SLC22A23: variants seen among roughly 807,000 people sequenced by gnomAD.
SLC22A23 encodes ion transporter protein.
SLC22A23 carries 26 observed loss-of-function variants against 61.0 expected under a neutral mutation model. That is an observed-to-expected ratio of 0.43 (90% confidence interval 0.31 to 0.59). SLC22A23 has a LOEUF of 0.59. Among genes scored for constraint, SLC22A23 ranks in the 20% least tolerant of loss-of-function variants. SLC22A23 has a pLI of 0.11. For missense variants in SLC22A23, 796 were observed against 934.7 expected, an observed-to-expected ratio of 0.85 and a Z score of 1.94; for synonymous variants, 430 against 413.9, an observed-to-expected ratio of 1.04 and a Z score of -0.47.
chr6:3,331,223 G>C (rs748909436), intron 3 of SLC22A23, among the ~76,000 whole-genome samples: 125 of 152,208 alleles, frequency 8.2e-4, no homozygotes, highest in Non-Finnish European at 1.3e-3. Context: ...CTCTGCTGCA[G>C]GCAGAAGCTA....
At chr6:3,445,208 T>A (rs1316930280) in intron 1 of SLC22A23, among the ~76,000 whole-genome samples, 12 of 152,066 alleles carry the variant, frequency 7.9e-5, no homozygotes, top group Non-Finnish European at 4.4e-5. Flanking sequence ...CCCTTTATTT[T>A]TTTTTTTTGA....
intron 1 of SLC22A23, among the ~76,000 whole-genome samples, chr6:3,444,489 A>G (rs1429432385): frequency 6.6e-6 from 1 of 152,128 alleles, no homozygotes; most frequent in African/African-American, 2.4e-5. Context: ...TCTCTGAGCC[A>G]TATGTTCACG....
At chr6:3,417,629 C>T (rs1486125624) in intron 1 of SLC22A23, among the ~76,000 whole-genome samples, 1 of 152,212 alleles carries the variant, frequency 6.6e-6, no homozygotes, top group Middle Eastern at 3.2e-3. Context: ...ATCCCAGGCC[C>T]ACTGAATGAA....
intron 3 of SLC22A23, among the ~76,000 whole-genome samples, chr6:3,343,449 G>T (rs1764258605): frequency 6.6e-6 from 1 of 151,928 alleles, no homozygotes; most frequent in Non-Finnish European, 1.5e-5. Flanking sequence ...AACATCTCCA[G>T]CCCCTGCAAA....
At chr6:3,338,145 C>T (rs1032399215) in intron 3 of SLC22A23, among the ~76,000 whole-genome samples, 2 of 152,180 alleles carry the variant, frequency 1.3e-5, no homozygotes, top group Admixed American at 1.3e-4. Flanking sequence ...CCTAGAAGCC[C>T]GAAGCCTTTT....
chr6:3,274,957 CTT>C (rs11393848), intron 9 of SLC22A23, among the ~76,000 whole-genome samples: 1 of 143,426 alleles, frequency 7.0e-6, no homozygotes, highest in African/African-American at 2.5e-5. Flanking sequence ...TTCCAGGTGA[CTT>C]TTTTTTTTTT....
At chr6:3,415,421 A>AG (rs1769622666) in intron 2 of SLC22A23, among the ~76,000 whole-genome samples, 1 of 152,186 alleles carries the variant, frequency 6.6e-6, no homozygotes, top group Non-Finnish European at 1.5e-5. Flanking sequence ...GCTGCCCCTT[A>AG]GTGCATCCAC....
chr6:3,341,237 A>C (rs986952008), intron 3 of SLC22A23, among the ~76,000 whole-genome samples: 2 of 152,248 alleles, frequency 1.3e-5, no homozygotes, highest in African/African-American at 4.8e-5. Flanking sequence ...GATCAAGCTG[A>C]GAGGAAAAAT....
chr6:3,419,081 C>T (rs1769939282), intron 1 of SLC22A23, among the ~76,000 whole-genome samples: 1 of 152,098 alleles, frequency 6.6e-6, no homozygotes, highest in African/African-American at 2.4e-5. Context: ...GTTGGGTAAG[C>T]AATGTTTAAA....
In SLC22A23 at chr6:3,269,724, A is replaced by C. The variant is rs1043821749; in HGVS notation, c.*3331T>G. 2.6e-5 allele frequency: 4 copies of C among 152,844 alleles called. No homozygotes were observed. The allele number at this position is 152,844 out of a possible 1,614,324, so 9.5% of individuals were successfully genotyped here. A position where few individuals can be genotyped will look rare whatever the true frequency, so the allele number is the denominator to read the frequency against. On this transcript the variant is annotated 3_prime_UTR_variant, in exon 10 of 10. Transcript: ENST00000406686. ...ACTGCTTTTCCAAAACACACGGGAC[A>C]TGAAAGCGAGGTGGTGCCTTCTAGA...
rs1043132804 is a variant in SLC22A23, at chr6:3,341,343, A to G, written c.914-17341T>C. Among the ~76,000 whole-genome samples the G allele has an allele frequency of 2.0e-5, 3 of 152,238 alleles. No homozygotes were observed. In the South Asian group the frequency reaches 6.2e-4, roughly 32 times the overall value. On this transcript the variant is annotated intron_variant, in intron 3 of 9. Coordinates refer to ENST00000406686, the MANE Select transcript of SLC22A23 (RefSeq NM_015482.2). ...TCAAAAGATTTTGTTCCAAAAGCCT[A>G]ACTTTTATACAGTGCAAGAGGCTGT...
At chr6:3,391,190 A>G (rs924721040) in intron 3 of SLC22A23, among the ~76,000 whole-genome samples, 2 of 152,232 alleles carry the variant, frequency 1.3e-5, no homozygotes, top group African/African-American at 4.8e-5. Context: ...GGCTCATGGA[A>G]ATGTGATTTG....
chr6:3,348,701 C>T (rs753119630), intron 3 of SLC22A23, among the ~76,000 whole-genome samples: 5 of 152,220 alleles, frequency 3.3e-5, no homozygotes, highest in Non-Finnish European at 7.3e-5. Context: ...CCCCTAGCGG[C>T]TGCTCATTCA....
intron 3 of SLC22A23, among the ~76,000 whole-genome samples, chr6:3,404,846 T>C (rs114759656): frequency 0.018 from 2,668 of 152,130 alleles, 38 homozygotes; most frequent in Middle Eastern, 0.044. Context: ...GCCCGCAGGG[T>C]TAGTAATGTG....
intron 4 of SLC22A23, chr6:3,323,368 A>ACAC (rs1763077042): frequency 8.8e-6 from 4 of 457,042 alleles, no homozygotes; most frequent in Non-Finnish European, 1.8e-5. Context: ...TTTATTTACA[A>ACAC]AAACAGACAG....
At position 3,456,127 on chromosome 6, in the gene SLC22A23, G is replaced by T; in HGVS notation, c.433C>A (p.Arg145=). 7 of 1,551,082 alleles carry T rather than the reference G, an allele frequency of 4.5e-6. No homozygotes were observed. The highest frequency in any genetic ancestry group is 6.1e-6 in the Non-Finnish European group (7 of 1,146,832). ...TELAGVTTTG[R]GGDMGNWTSL... ...GTCCAGTTGCCCATGTCCCCGCCCC[G>T]GCCTGTGGTGGTGACCCCTGCCAGC... Residue 145 remains arginine (R), a synonymous_variant, in exon 1 of 10, where the codon CGG becomes AGG. Transcript: ENST00000406686. This position sits in a 1 kb window ranked among gnomAD's most constrained non-coding sequence, Gnocchi z 7.1.
At chr6:3,455,601 C>T (rs1307253140) in intron 1 of SLC22A23, among the ~76,000 whole-genome samples, 2 of 152,248 alleles carry the variant, frequency 1.3e-5, no homozygotes, top group Non-Finnish European at 2.9e-5. Context: ...CGACGCCAGT[C>T]CGACTCCTCC....
chr6:3,312,589 G>C (rs181055069), intron 4 of SLC22A23: 1 of 152,100 alleles, frequency 6.6e-6, no homozygotes, highest in Non-Finnish European at 1.5e-5. Context: ...AGGCTGTCCC[G>C]GTCGCACTCA....
intron 9 of SLC22A23, among the ~76,000 whole-genome samples, chr6:3,277,433 C>T (rs551546496): frequency 2.7e-3 from 405 of 152,242 alleles, no homozygotes; most frequent in Middle Eastern, 0.014. Context: ...CTCCTCCCGC[C>T]GCAGTGCACT....
Sources: gnomAD v4.1 joint callset for allele counts (sites outside exome capture counted in the v4.1 genomes callset) on GRCh38, gnomAD v4.1.1 for gene constraint, Gnocchi (gnomAD v3.1) non-coding constraint, MANE v1.5 for transcripts, NCBI Gene and HGNC (gene_info 2026-07-23, HGNC 2026-07-21) for gene names.